Variants in SEC31A observed in about 807,000 individuals in gnomAD.
SEC31A encodes protein transport protein Sec31A.
SEC31A carries 70 observed loss-of-function variants against 151.0 expected under a neutral mutation model. The observed-to-expected ratio is 0.46, with a 90% CI of 0.38 to 0.57. The LOEUF is 0.57. SEC31A is among the 20% of genes least tolerant of loss of function. SEC31A has a pLI of 0.00. For synonymous variants in SEC31A, 475 were observed against 505.9 expected, an observed-to-expected ratio of 0.94 and a Z score of 0.82; for missense variants, 1,330 against 1,471.2, an observed-to-expected ratio of 0.90 and a Z score of 1.57.
Position 82,842,445 on chromosome 4 carries a change from C to T in SEC31A, c.2663G>A (p.Gly888Glu). The T allele has an allele frequency of 6.2e-7, 1 of 1,613,464 alleles. No homozygotes were observed. Among genetic ancestry groups the T allele is most frequent in the Non-Finnish European group, 8.5e-7 (1 of 1,179,794 alleles). ...CTGAGGTCGATACATTGCTGACCCC[C>T]CTGTTCCGAAGGGATACGGCTGGGC... ...QPAQPYPFGT[G>E]GSAMYRPQQP... The change falls in exon 22 of 27, where the codon GGG (glycine) becomes GAG (glutamate). Residue 888 changes from glycine to glutamate, a missense_variant. Physicochemically the swap from Gly to Glu is moderately conservative, Grantham distance 98 (BLOSUM62 -2). Coordinates refer to ENST00000395310, the MANE Select transcript of SEC31A (RefSeq NM_001077207.4).
chr4:82,846,789 A>C (rs1730329588), intron 20 of SEC31A, among the ~76,000 whole-genome samples: 1 of 152,048 alleles, frequency 6.6e-6, no homozygotes, highest in Non-Finnish European at 1.5e-5. Context: ...ATCTCAGCTC[A>C]CTGCAACCTC....
chr4:82,842,698 A>C, intron 21 of SEC31A: 1 of 503,478 alleles, frequency 2.0e-6, no homozygotes, highest in Non-Finnish European at 3.5e-6. Context: ...CCATCCCCAA[A>C]CTGCCTCTGG....
At chr4:82,837,854 G>C (rs1483794320) in intron 22 of SEC31A, among the ~76,000 whole-genome samples, 1 of 152,136 alleles carries the variant, frequency 6.6e-6, no homozygotes, top group Non-Finnish European at 1.5e-5. Flanking sequence ...GAGCATAATG[G>C]TAGAATCTAT....
chr4:82,856,159 G>GT (rs982196898), intron 16 of SEC31A, among the ~76,000 whole-genome samples: 10 of 150,640 alleles, frequency 6.6e-5, no homozygotes, highest in South Asian at 4.2e-4. Context: ...AAAATTTTGG[G>GT]TTTTTTTTTG....
At chr4:82,884,177 C>T (rs774738234) in intron 1 of SEC31A, among the ~76,000 whole-genome samples, 6 of 151,572 alleles carry the variant, frequency 4.0e-5, no homozygotes, top group Non-Finnish European at 8.8e-5. Flanking sequence ...TTAGTAGAGA[C>T]GGGGTTTCAC....
At chr4:82,885,152 C>A (rs543343496) in intron 1 of SEC31A, among the ~76,000 whole-genome samples, 1 of 152,202 alleles carries the variant, frequency 6.6e-6, no homozygotes, top group African/African-American at 2.4e-5. Flanking sequence ...ACTACTTTGT[C>A]ATCATTACAA....
Position 82,829,012 on chromosome 4 carries a change from G to C in SEC31A, c.3015C>G (p.Pro1005=). The C allele has an allele frequency of 1.2e-6, 2 of 1,613,196 alleles. No homozygotes were observed. Among genetic ancestry groups the C allele is most frequent in the Non-Finnish European group, 1.7e-6 (2 of 1,179,272 alleles). ...CTTTTTCTAGTACCTTCTTCTTTTT[G>C]GGTACTCTGTTCAAAGCTGGAGGGT... The part of the protein sequence containing the change: ...WNDPPALNRV[P]KKKKMPENFM... Residue 1005 remains proline (P), a synonymous_variant, in exon 23 of 27, where the codon CCC becomes CCG. Coordinates refer to ENST00000395310, the MANE Select transcript of SEC31A (RefSeq NM_001077207.4).
In SEC31A at chr4:82,880,786, C is replaced by T. The variant is rs1359642057; in HGVS notation, c.203+13G>A. On this transcript the variant is annotated intron_variant, in intron 3 of 26. Coordinates refer to ENST00000395310, the MANE Select transcript of SEC31A (RefSeq NM_001077207.4). Reference sequence around the variant, plus strand: ...ATTAAATAATCACATGAATTTAAAGCTGAACCTCATACCTGTGAGAAGAGG... The same window carrying T: ...ATTAAATAATCACATGAATTTAAAGTTGAACCTCATACCTGTGAGAAGAGG... The T allele has an allele frequency of 1.3e-6, 2 of 1,595,274 alleles. No individual in the cohort carries two copies. Among genetic ancestry groups the T allele is most frequent in the South Asian group, 1.2e-5 (1 of 86,866 alleles).
intron 1 of SEC31A, chr4:82,890,709 T>A: frequency 9.4e-7 from 1 of 1,061,044 alleles, no homozygotes; most frequent in Non-Finnish European, 1.1e-6. Context: ...GCCAAAGTAA[T>A]CCTGAGATTT....
intron 3 of SEC31A, 151 bp from the exon 4 acceptor site, chr4:82,879,079 T>G (rs1738663205): frequency 3.2e-6 from 2 of 634,688 alleles, no homozygotes; most frequent in Non-Finnish European, 5.5e-6. Flanking sequence ...ATGACTTTGG[T>G]GTAATAGTAT....
intron 22 of SEC31A, among the ~76,000 whole-genome samples, chr4:82,834,278 C>T (rs4484291): frequency 1 from 151,845 of 152,286 alleles, 75,702 homozygotes; most frequent in Non-Finnish European, 1. Context: ...GTACTGGAAA[C>T]ACAGTGGGCT....
chr4:82,864,557 A>C lies in SEC31A; in HGVS notation c.1239T>G (p.Pro413=). ...KLVTFENVRM[P]SHQGAEQQQQ... is the part of the protein sequence containing the mutation. ...GCTGCTGCTCAGCTCCCTGATGAGA[A>C]GGCATTCTGACATTCTCAAACGTAA... is the stretch of plus-strand genomic sequence containing the variant. The change falls in exon 11 of 27, where the codon CCT becomes CCG. Residue 413 remains proline (P), a synonymous_variant. Transcript: ENST00000395310. 1 of 1,614,108 alleles carries C rather than the reference A, an allele frequency of 6.2e-7. No individual in the cohort carries two copies. The highest frequency in any genetic ancestry group is 8.5e-7 in the Non-Finnish European group (1 of 1,180,036).
Position 82,856,400 on chromosome 4 carries a change from C to T in SEC31A, c.1881+552G>A, listed in dbSNP as rs574748364. 1.7e-4 allele frequency among the ~76,000 whole-genome samples: 26 copies of T among 151,688 alleles called. 1 individual carries two copies. In the South Asian group the frequency reaches 3.1e-3, roughly 18 times the overall value. On this transcript the variant is annotated intron_variant, in intron 16 of 26. Coordinates refer to ENST00000395310, the MANE Select transcript of SEC31A (RefSeq NM_001077207.4). ...TCCTGACCTCGTGACCCCCCCACCT[C>T]TGCCTCCCAAAGTGCTGAGATCACA...
intron 8 of SEC31A, among the ~76,000 whole-genome samples, chr4:82,868,116 C>T (rs892284974): frequency 6.6e-6 from 1 of 152,208 alleles, no homozygotes; most frequent in African/African-American, 2.4e-5. Context: ...GTACTATACA[C>T]AACCTTCCTA....
chr4:82,884,763 G>A (rs968056995), intron 1 of SEC31A, among the ~76,000 whole-genome samples: 1 of 152,020 alleles, frequency 6.6e-6, no homozygotes, highest in African/African-American at 2.4e-5. Flanking sequence ...AATTGTTCTT[G>A]GGACCTAGAA....
Position 82,861,698 on chromosome 4 carries a change from T to C in SEC31A, c.1559A>G (p.Asp520Gly), listed in dbSNP as rs572227065. The change falls in exon 14 of 27, where the codon GAC becomes GGC. Residue 520 changes from aspartate (D) to glycine (G), a missense_variant. Physicochemically the swap from Asp to Gly is moderately conservative, Grantham distance 94. Transcript: ENST00000395310. ...KVDGANVALK[D>G]SDQVAQSDGE... ...ATCACTCTGTGCTACTTGGTCAGAG[T>C]CTTTAAGAGCCTTTGGTACACAAAA... is the stretch of plus-strand genomic sequence containing the variant. The C allele has an allele frequency of 1.9e-6, 3 of 1,607,554 alleles. No individual in the cohort carries two copies. In the South Asian group the frequency reaches 3.3e-5, roughly 18 times the overall value.
intron 21 of SEC31A, chr4:82,844,168 T>C (rs1260680423): frequency 2.5e-6 from 1 of 405,472 alleles, no homozygotes; most frequent in Admixed American, 4.3e-5. Context: ...GGAACAGGAG[T>C]CAACTACTCT....
chr4:82,822,508 G>C (rs1560577485), intron 25 of SEC31A, among the ~76,000 whole-genome samples: 1 of 152,214 alleles, frequency 6.6e-6, no homozygotes, highest in African/African-American at 2.4e-5. Context: ...TGTGCTTGGA[G>C]AAGAGAGAGA....
In SEC31A at chr4:82,842,331, T is replaced by A. The variant is rs1278424954; in HGVS notation, c.2777A>T (p.Tyr926Phe). 2 of 1,613,482 alleles carry A rather than the reference T, an allele frequency of 1.2e-6. No individual in the cohort carries two copies. The highest frequency in any genetic ancestry group is 2.2e-5 in the South Asian group (2 of 90,998). ...TGAAGAGGCCTGGTGCTGTGCTGCG[T>A]ACAGCTGAGACTGCCCAGTATAGGA... ...ASSYTGQSQL[Y>F]AAQHQASSPT... The change falls in exon 22 of 27, where the codon TAC becomes TTC. Residue 926 changes from tyrosine to phenylalanine, a missense_variant. Physicochemically the swap from Tyr to Phe is conservative, Grantham distance 22. Coordinates refer to ENST00000395310, the MANE Select transcript of SEC31A (RefSeq NM_001077207.4).
Sources: allele counts gnomAD v4.1 joint callset (sites outside exome capture counted in the v4.1 genomes callset), GRCh38; gene constraint gnomAD v4.1.1; transcripts MANE v1.5; gene names NCBI Gene and HGNC (gene_info 2026-07-23, HGNC 2026-07-21).